The following MCM2 variants were observed in gnomAD, a reference collection of about 807,000 sequenced individuals.
The protein encoded by MCM2 is minichromosome maintenance complex component 2, also known as DNA replication licensing factor MCM2.
MCM2 carries 49 observed loss-of-function variants against 86.4 expected under a neutral mutation model. The ratio of observed to expected loss-of-function variants is 0.57; its 90% CI spans 0.45 to 0.72. The LOEUF (loss-of-function observed/expected upper bound fraction) is 0.72. MCM2 is among the 30% of genes least tolerant of loss of function. The pLI, the probability that MCM2 is intolerant of heterozygous loss-of-function variation, is 0.00. For synonymous variants in MCM2, 475 were observed against 484.6 expected (o/e 0.98, Z 0.26); for missense variants, 1,038 against 1,259.9 (o/e 0.82, Z 2.67).
chr3:127,611,003 G>A lies in MCM2; in HGVS notation c.1428+1980G>A, dbSNP rs1220970665. The stretch of plus-strand genomic sequence containing the variant: ...ATACAATGGTGAGTAAGTCAGACAT[G>A]ACCCTTGCCCTCAGAGCTCATATTT... On this transcript the variant is annotated intron_variant, in intron 8 of 15. Coordinates refer to ENST00000265056, the MANE Select transcript of MCM2 (RefSeq NM_004526.4). 3 of 455,786 alleles carry A rather than the reference G, an allele frequency of 6.6e-6. No individual in the cohort carries two copies. The Admixed American group carries it at 7.0e-5, about 11-fold the overall frequency. 28.2% of individuals were successfully genotyped at this position (455,786 alleles called of 1,614,324 possible). A position where few individuals can be genotyped will look rare whatever the true frequency, so the allele number is the denominator to read the frequency against.
intron 9 of MCM2, 50 bp from the exon 10 acceptor site, chr3:127,616,818 C>G (rs773348188): frequency 1.3e-6 from 2 of 1,587,048 alleles, no homozygotes; most frequent in Non-Finnish European, 1.7e-6. Context: ...GTGCCCTCCT[C>G]CTCTCACTTC....
At chr3:127,607,906 C>T (rs569886695) in intron 6 of MCM2, among the ~76,000 whole-genome samples, 5 of 152,264 alleles carry the variant, frequency 3.3e-5, no homozygotes, top group South Asian at 2.1e-4. Flanking sequence ...ATAATGGGTA[C>T]GAAATGACAT....
Position 127,620,726 on chromosome 3 carries a change from G to A in MCM2, c.2294G>A (p.Arg765Gln), listed in dbSNP as rs1454315956. Residue 765 changes from arginine to glutamine, a missense_variant, in exon 14 of 16, where the codon CGG becomes CAG. Physicochemically the swap from Arg to Gln is conservative, Grantham distance 43. This residue lies in a region of MCM2 where 336 missense variants were observed against 425.7 expected (regional missense o/e 0.79). Transcript: ENST00000265056. ...MATGSIPITV[R>Q]HIESMIRMAE... ...ACAGGCAGCATCCCCATTACGGTGC[G>A]GCACATCGAGTCCATGATCCGCATG... is the stretch of plus-strand genomic sequence containing the variant. 1.2e-6 allele frequency: 2 copies of A among 1,608,242 alleles called. No homozygotes were observed. Among genetic ancestry groups the A allele is most frequent in the South Asian group, 1.1e-5 (1 of 90,682 alleles).
chr3:127,605,042 A>G lies in MCM2; in HGVS notation c.559A>G (p.Ser187Gly). The G allele has an allele frequency of 1.9e-6, 3 of 1,614,104 alleles. No individual in the cohort carries two copies. The highest frequency in any genetic ancestry group is 2.5e-6 in the Non-Finnish European group (3 of 1,179,988). Residue 187 changes from serine to glycine, a missense_variant, in exon 4 of 16, where the codon AGC becomes GGC. Coordinates refer to ENST00000265056, the MANE Select transcript of MCM2 (RefSeq NM_004526.4). ...AGGCCACTCTGTGCGCGAGTGGGTG[A>G]GCATGGCGGGCCCCCGGCTGGAGAT... ...LKGHSVREWV[S>G]MAGPRLEIHH...
intron 8 of MCM2, among the ~76,000 whole-genome samples, chr3:127,610,123 T>TG (rs1271269722): frequency 2.0e-5 from 3 of 152,274 alleles, no homozygotes; most frequent in African/African-American, 7.2e-5. Context: ...GGATTATAGG[T>TG]GTGAGGCACC....
chr3:127,619,326 C>T (rs1429893702), intron 13 of MCM2, 48 bp downstream of exon 13: 3 of 1,584,022 alleles, frequency 1.9e-6, no homozygotes, highest in Admixed American at 1.7e-5. Flanking sequence ...GAAGGAAGTG[C>T]AGTGTGAGCC....
At position 127,599,418 on chromosome 3, in the gene MCM2, A is replaced by G; in HGVS notation, c.107A>G (p.Asp36Gly). ...CCTGGCCGAAGCTCCCGGCGTACTG[A>G]TGCCCTCACCTCCAGCCCTGGCCGT... The part of the protein sequence containing the change: ...SSPGRSSRRT[D>G]ALTSSPGRDL... Residue 36 changes from aspartate to glycine, a missense_variant, in exon 2 of 16, where the codon GAT (aspartate) becomes GGT (glycine). Asp to Gly is a moderately conservative substitution (Grantham distance 94). Around this residue, in one of 4 missense-constraint regions of MCM2, gnomAD observed 300 missense variants for 307.4 expected, o/e 0.98. Transcript: ENST00000265056. 6.2e-7 allele frequency: 1 copy of G among 1,614,140 alleles called. No individual in the cohort carries two copies. Among genetic ancestry groups the G allele is most frequent in the South Asian group, 1.1e-5 (1 of 91,076 alleles).
At chr3:127,601,465 A>G (rs1401964383) in intron 2 of MCM2, among the ~76,000 whole-genome samples, 4 of 152,130 alleles carry the variant, frequency 2.6e-5, no homozygotes, top group African/African-American at 7.2e-5. Flanking sequence ...GGTTCAAGCA[A>G]TTCTCCTGCC....
Position 127,617,051 on chromosome 3 carries a change from G to A in MCM2, c.1706G>A (p.Trp569Ter). 6.2e-7 allele frequency: 1 copy of A among 1,614,236 alleles called. No individual in the cohort carries two copies. ...YVQRHPVSRE[W>*]TLEAGALVLA... ...CAGCGGCACCCTGTCAGCAGGGAGTGGACCTTGGAGGCTGGGGCCCTGGTT... is the reference window on the plus strand; with the variant it reads ...CAGCGGCACCCTGTCAGCAGGGAGTAGACCTTGGAGGCTGGGGCCCTGGTT... Residue 569 changes from tryptophan to a stop codon, truncating the protein, a stop_gained, in exon 10 of 16, where the codon TGG becomes TAG. Coordinates refer to ENST00000265056, the MANE Select transcript of MCM2 (RefSeq NM_004526.4). LOFTEE classifies it high-confidence loss of function. The surrounding 1 kb of genome is among the most constrained non-coding windows in gnomAD (Gnocchi z 4.1).
intron 8 of MCM2, among the ~76,000 whole-genome samples, chr3:127,612,580 T>C (rs1240378578): frequency 6.6e-6 from 1 of 152,178 alleles, no homozygotes; most frequent in East Asian, 1.9e-4. Context: ...GTGACAGGCG[T>C]GTAGAAAGCA....
In MCM2 at chr3:127,618,697, G is replaced by T. The variant is rs1439464435; in HGVS notation, c.2014-330G>T. ...CGTCATCTCAGCTCCCTGTCTTTCA[G>T]GGAGGGGCTTTGCCGGGCACCCTTA... On this transcript the variant is annotated intron_variant, in intron 12 of 15. Transcript: ENST00000265056. The surrounding 1 kb of genome is among the most constrained non-coding windows in gnomAD (Gnocchi z 4.0). 1.3e-5 allele frequency among the ~76,000 whole-genome samples: 2 copies of T among 152,196 alleles called. No individual in the cohort carries two copies. Among genetic ancestry groups the T allele is most frequent in the Admixed American group, 1.3e-4 (2 of 15,278 alleles).
chr3:127,621,828 C>A lies in MCM2; in HGVS notation c.*55C>A. 1 of 1,366,750 alleles carries A rather than the reference C, an allele frequency of 7.3e-7. No homozygotes were observed. The highest frequency in any genetic ancestry group is 1.0e-6 in the Non-Finnish European group (1 of 965,192). 84.7% of individuals were successfully genotyped at this position (1,366,750 alleles called of 1,614,324 possible). ...GGATTCTGGTTTGGGGTGGTCAGTGCCCTCTGTGCTTTATGGACACAAAAC... is the reference window on the plus strand; with the variant it reads ...GGATTCTGGTTTGGGGTGGTCAGTGACCTCTGTGCTTTATGGACACAAAAC... On this transcript the variant is annotated 3_prime_UTR_variant, in exon 16 of 16. Coordinates refer to ENST00000265056, the MANE Select transcript of MCM2 (RefSeq NM_004526.4).
chr3:127,604,405 A>G (rs2074329291), intron 2 of MCM2: 7 of 540,768 alleles, frequency 1.3e-5, no homozygotes, highest in Admixed American at 3.2e-5. Context: ...TTAAGGCTTC[A>G]TCGTCCATCA....
chr3:127,606,895 T>C lies in MCM2; in HGVS notation c.1101+78T>C. ...GCAGGACCTGACTGGCCTCTCAGGC[T>C]GTGGAAGACCAGTGTGGGCAGCCGC... On this transcript the variant is annotated intron_variant, in intron 6 of 15. Coordinates refer to ENST00000265056, the MANE Select transcript of MCM2 (RefSeq NM_004526.4). This position sits in a 1 kb window ranked among gnomAD's most constrained non-coding sequence, Gnocchi z 4.2. 1 of 1,427,202 alleles carries C rather than the reference T, an allele frequency of 7.0e-7. No individual in the cohort carries two copies. Among genetic ancestry groups the C allele is most frequent in the Non-Finnish European group, 9.8e-7 (1 of 1,016,162 alleles). 88.4% of individuals were successfully genotyped at this position (1,427,202 alleles called of 1,614,324 possible).
intron 2 of MCM2, among the ~76,000 whole-genome samples, chr3:127,600,275 C>A (rs941200154): frequency 1.3e-5 from 2 of 152,198 alleles, no homozygotes; most frequent in Admixed American, 1.3e-4. Flanking sequence ...GAGTGAAACT[C>A]TGTTTCAAAA....
chr3:127,598,912 T>G (rs2074280227), intron 1 of MCM2: 1 of 338,398 alleles, frequency 3.0e-6, no homozygotes, highest in African/African-American at 2.2e-5. Flanking sequence ...CCAGACCTCT[T>G]GTTTTGGTGG....
Position 127,621,666 on chromosome 3 carries a change from C to T in MCM2, c.2608C>T (p.Arg870Cys), listed in dbSNP as rs773391587. ...ACTGGACACTTCCTCCTTGCAGGCT[C>T]GTCAGATCAACATCCACAACCTCTC... ...VPEKDLVDKA[R>C]QINIHNLSAF... The change falls in exon 16 of 16, where the codon CGT (arginine) becomes TGT (cysteine). Residue 870 changes from arginine (R) to cysteine (C), a missense_variant. Arg to Cys is a radical substitution (Grantham distance 180). Transcript: ENST00000265056. The T allele has an allele frequency of 1.9e-5, 31 of 1,610,222 alleles. No homozygotes were observed. The highest frequency in any genetic ancestry group is 4.0e-5 in the African/African-American group (3 of 74,814).
At position 127,619,996 on chromosome 3, in the gene MCM2, T is replaced by C. The variant is rs2074464648; in HGVS notation, c.2266-702T>C. 3.9e-5 allele frequency among the ~76,000 whole-genome samples: 6 copies of C among 152,134 alleles called. No individual in the cohort carries two copies. The South Asian group carries it at 1.2e-3, about 31-fold the overall frequency. On this transcript the variant is annotated intron_variant, in intron 13 of 15. Coordinates refer to ENST00000265056, the MANE Select transcript of MCM2 (RefSeq NM_004526.4). ...GAAACCCTGTTTCAAAAAAAAAATA[T>C]TTTTTTAAATGATAGGTATTAATAT...
chr3:127,618,543 C>A lies in MCM2; in HGVS notation c.2013+462C>A, dbSNP rs773863466. Among the ~76,000 whole-genome samples the A allele has an allele frequency of 3.9e-5, 6 of 152,290 alleles. No homozygotes were observed. Among genetic ancestry groups the A allele is most frequent in the Admixed American group, 2.0e-4 (3 of 15,302 alleles). ...GCCATCTCTGCAGCTACCTCCTCCT[C>A]GCTCCCTTCCCTCACCTGCACCTGC... On this transcript the variant is annotated intron_variant, in intron 12 of 15. Transcript: ENST00000265056. The surrounding 1 kb of genome is among the most constrained non-coding windows in gnomAD (Gnocchi z 4.0).
Sources: allele counts gnomAD v4.1 joint callset (sites outside exome capture counted in the v4.1 genomes callset), GRCh38; gene constraint gnomAD v4.1.1; regional missense constraint gnomAD v4.1.1; non-coding constraint Gnocchi (gnomAD v3.1); transcripts MANE v1.5; gene names NCBI Gene and HGNC (gene_info 2026-07-23, HGNC 2026-07-21).